CDKL3: variants seen among roughly 807,000 people sequenced by gnomAD.
The protein encoded by CDKL3 is cyclin-dependent kinase-like 3.
CDKL3 carries 65 observed loss-of-function variants against 69.3 expected under a neutral mutation model. The ratio of observed to expected loss-of-function variants is 0.94; its 90% CI spans 0.77 to 1.15. CDKL3 has a LOEUF of 1.15. Ranked by LOEUF, CDKL3 falls within the 50% of genes most tolerant of loss-of-function variation. The pLI is 0.00. For missense variants in CDKL3, 652 were observed against 689.2 expected (o/e 0.95, Z 0.61); for synonymous variants, 202 against 221.6 (o/e 0.91, Z 0.79).
intron 4 of CDKL3, among the ~76,000 whole-genome samples, chr5:134,330,371 A>C (rs1323476998): frequency 2.0e-5 from 3 of 152,306 alleles, no homozygotes; most frequent in Middle Eastern, 3.4e-3. Flanking sequence ...GTCATGGTGG[A>C]GATGGACACT....
chr5:134,288,272 G>C (rs950507807), intron 8 of CDKL3, among the ~76,000 whole-genome samples: 11 of 152,330 alleles, frequency 7.2e-5, no homozygotes, highest in Admixed American at 7.2e-4. Context: ...ATAAAAGTTG[G>C]AAAGTGTTGA....
chr5:134,371,525 C>A, upstream of CDKL3: 1 of 1,567,144 alleles, frequency 6.4e-7, no homozygotes, highest in Admixed American at 1.9e-5. Flanking sequence ...GATTCGGCCG[C>A]CGCGCCGGGG....
intron 3 of CDKL3, among the ~76,000 whole-genome samples, chr5:134,351,696 G>A (rs2149605508): frequency 6.6e-6 from 1 of 152,266 alleles, no homozygotes; most frequent in Non-Finnish European, 1.5e-5. Flanking sequence ...CTGGGCTCAA[G>A]TGATCTTCCC....
At chr5:134,303,821 C>A (rs1334179474) in intron 11 of CDKL3, among the ~76,000 whole-genome samples, 1 of 151,790 alleles carries the variant, frequency 6.6e-6, no homozygotes, top group Non-Finnish European at 1.5e-5. Context: ...TGCACTCCAG[C>A]CTGGGCAGCA....
intron 4 of CDKL3, among the ~76,000 whole-genome samples, chr5:134,326,854 TATATATATATATACAC>T (rs1774483788): frequency 1.0e-5 from 1 of 95,662 alleles, no homozygotes; most frequent in African/African-American, 6.4e-5. Context: ...TATATATATA[TATATATATATATACAC>T]ACACACACAT....
intron 8 of CDKL3, among the ~76,000 whole-genome samples, chr5:134,288,069 T>C (rs947840258): frequency 6.6e-6 from 1 of 152,094 alleles, no homozygotes; most frequent in African/African-American, 2.4e-5. Context: ...TAATTTTGTA[T>C]TTTTAGTACA....
upstream of CDKL3, among the ~76,000 whole-genome samples, chr5:134,369,742 A>G (rs1758149116): frequency 6.6e-6 from 1 of 151,886 alleles, no homozygotes; most frequent in Non-Finnish European, 1.5e-5. Flanking sequence ...GGCTAATTTT[A>G]CTTTTTGTAG....
intron 8 of CDKL3, 42 bp from the exon 9 acceptor site, chr5:134,308,508 A>T (rs779944219): frequency 1.9e-6 from 3 of 1,555,674 alleles, no homozygotes; most frequent in Non-Finnish European, 2.6e-6. Flanking sequence ...CATAACAGTT[A>T]TTTTTGTCAT....
chr5:134,308,082 AATACCATT>A (rs1354194501), intron 9 of CDKL3, 48 bp downstream of exon 9: 14 of 1,512,516 alleles, frequency 9.3e-6, no homozygotes, highest in Non-Finnish European at 1.2e-5. Context: ...GATTCTTTGA[AATACCATT>A]ATACAGGAAT....
chr5:134,337,146 C>A (rs757400851), intron 4 of CDKL3, among the ~76,000 whole-genome samples: 1 of 152,200 alleles, frequency 6.6e-6, no homozygotes, highest in Non-Finnish European at 1.5e-5. Flanking sequence ...GGGCATGGGA[C>A]CTGCTGAGCC....
At chr5:134,295,907 T>C (rs1333102510), downstream of CDKL3, among the ~76,000 whole-genome samples, 6 of 152,172 alleles carry the variant, frequency 3.9e-5, no homozygotes, top group Non-Finnish European at 1.5e-5. Flanking sequence ...TTTTATTTTT[T>C]ATTTTTTTAG....
intron 5 of CDKL3, among the ~76,000 whole-genome samples, chr5:134,321,471 A>G (rs1022274240): frequency 1.3e-5 from 2 of 152,234 alleles, no homozygotes; most frequent in African/African-American, 4.8e-5. Flanking sequence ...GTCCTTATAT[A>G]AAGGTACAGA....
rs141983060 is a variant in CDKL3 at position 134,322,585 on chromosome 5, G to A, written c.540-682C>T. 1.6e-3 allele frequency among the ~76,000 whole-genome samples: 238 copies of A among 152,186 alleles called. 5 individuals are homozygous for A. The highest frequency in any genetic ancestry group is 5.3e-4 in the Non-Finnish European group (36 of 68,012). Reference sequence around the variant, plus strand: ...TGAGAATTTCACTGCAGCACTGTTCGTAGAAGAAAAAGATTGGAAACAACC... The same window carrying A: ...TGAGAATTTCACTGCAGCACTGTTCATAGAAGAAAAAGATTGGAAACAACC... On this transcript the variant is annotated intron_variant, in intron 4 of 12. Coordinates refer to ENST00000265334, the MANE Select transcript of CDKL3 (RefSeq NM_001113575.2).
intron 8 of CDKL3, among the ~76,000 whole-genome samples, chr5:134,290,353 CAAAA>C (rs1212709645): frequency 8.1e-5 from 2 of 24,772 alleles, no homozygotes; most frequent in Admixed American, 4.2e-4. Context: ...GACTCTGTCT[CAAAA>C]AAAAAAAAAA....
chr5:134,333,426 C>A (rs1353058639), intron 4 of CDKL3, among the ~76,000 whole-genome samples: 1 of 152,174 alleles, frequency 6.6e-6, no homozygotes, highest in East Asian at 1.9e-4. Context: ...AGTTTTTGCC[C>A]ATGCAGTATA....
At chr5:134,363,788 C>T (rs1756656813) in intron 2 of CDKL3, among the ~76,000 whole-genome samples, 1 of 151,662 alleles carries the variant, frequency 6.6e-6, no homozygotes, top group African/African-American at 2.4e-5. Context: ...TCCACAGATG[C>T]CTAATATATT....
chr5:134,320,404 C>T (rs562303541), intron 5 of CDKL3, among the ~76,000 whole-genome samples: 1 of 151,434 alleles, frequency 6.6e-6, no homozygotes, highest in Non-Finnish European at 1.5e-5. Flanking sequence ...ATGGCAAAAC[C>T]GCGGCTGCAC....
At position 134,364,250 on chromosome 5, in the gene CDKL3, C is replaced by G. The variant is rs1415951135; in HGVS notation, c.165+2109G>C. Among the ~76,000 whole-genome samples the G allele has an allele frequency of 2.0e-5, 3 of 152,264 alleles. No individual in the cohort carries two copies. In the East Asian group the frequency reaches 5.8e-4, roughly 29 times the overall value. On this transcript the variant is annotated intron_variant, in intron 2 of 12. Coordinates refer to ENST00000265334, the MANE Select transcript of CDKL3 (RefSeq NM_001113575.2). The stretch of plus-strand genomic sequence containing the variant: ...CTTTCTCCACACTCCTCAGTTGTTT[C>G]TCCTGGGCTGAACTGTCACACCTAC...
At position 134,308,325 on chromosome 5, in the gene CDKL3, G is replaced by A; in HGVS notation, c.1177C>T (p.Pro393Ser). 1 of 1,613,908 alleles carries A rather than the reference G, an allele frequency of 6.2e-7. No individual in the cohort carries two copies. The highest frequency in any genetic ancestry group is 8.5e-7 in the Non-Finnish European group (1 of 1,179,850). The change falls in exon 9 of 13, where the codon CCT (proline) becomes TCT (serine). Residue 393 changes from proline to serine, a missense_variant. Transcript: ENST00000265334. ...ACAAGTTTTGTATCTGGAGACATAGGATGAACATTTTCATTTGCATCCTGT... is the reference window on the plus strand; with the variant it reads ...ACAAGTTTTGTATCTGGAGACATAGAATGAACATTTTCATTTGCATCCTGT... ...GQQDANENVHPMSPDTKLVTI... is the reference protein window; with the variant it reads ...GQQDANENVHSMSPDTKLVTI...
Sources: allele counts gnomAD v4.1 joint callset (sites outside exome capture counted in the v4.1 genomes callset), GRCh38; gene constraint gnomAD v4.1.1; transcripts MANE v1.5; gene names NCBI Gene and HGNC (gene_info 2026-07-23, HGNC 2026-07-21).